The following RBL1 variants were observed in gnomAD, a reference collection of about 807,000 sequenced individuals.
RBL1 encodes the protein retinoblastoma-like protein 1.
In RBL1, 82 loss-of-function variants were observed where a neutral mutation model predicts 123.0. The ratio of observed to expected loss-of-function variants is 0.67; its 90% CI spans 0.56 to 0.80. The LOEUF (loss-of-function observed/expected upper bound fraction) is 0.80. Among genes scored for constraint, RBL1 ranks in the 30% least tolerant of loss-of-function variants. The pLI is 0.00. For missense variants in RBL1, 1,171 were observed against 1,299.6 expected, an observed-to-expected ratio of 0.90 and a Z score of 1.52; for synonymous variants, 405 against 441.3, an observed-to-expected ratio of 0.92 and a Z score of 1.03.
At chr20:37,024,868 G>T (rs539388149) in intron 16 of RBL1, among the ~76,000 whole-genome samples, 1 of 152,294 alleles carries the variant, frequency 6.6e-6, no homozygotes, top group South Asian at 2.1e-4. Context: ...GGCATAGGAG[G>T]GGGTGAAGGG....
chr20:37,079,318 T>A (rs1196250721), intron 2 of RBL1, among the ~76,000 whole-genome samples: 2 of 152,074 alleles, frequency 1.3e-5, no homozygotes, highest in African/African-American at 4.8e-5. Flanking sequence ...TCCCAAGATC[T>A]AAACCAGCTG....
chr20:37,028,630 G>C (rs2064460438), intron 16 of RBL1, among the ~76,000 whole-genome samples: 1 of 152,170 alleles, frequency 6.6e-6, no homozygotes, highest in Non-Finnish European at 1.5e-5. Context: ...GATCCAACAT[G>C]TATTTGTCCC....
intron 19 of RBL1, among the ~76,000 whole-genome samples, chr20:37,016,058 C>T (rs1485198483): frequency 8.0e-6 from 1 of 125,178 alleles, no homozygotes; most frequent in African/African-American, 3.0e-5. Context: ...GATGGAGTCT[C>T]ACGCTGTCAC....
intron 21 of RBL1, among the ~76,000 whole-genome samples, chr20:37,000,549 G>C (rs1364010738): frequency 1.7e-4 from 24 of 140,530 alleles, no homozygotes; most frequent in Non-Finnish European, 3.0e-4. Flanking sequence ...ACTGGGAAGT[G>C]AGGAGCCCCT....
chr20:37,045,390 G>T (rs937449390), intron 12 of RBL1, among the ~76,000 whole-genome samples: 2 of 151,852 alleles, frequency 1.3e-5, no homozygotes, highest in Non-Finnish European at 2.9e-5. Flanking sequence ...ATAGGCATGA[G>T]CCACCGTGCC....
Position 37,032,679 on chromosome 20 carries a change from G to A in RBL1, c.2368C>T (p.Leu790=). 6.2e-7 allele frequency: 1 copy of A among 1,613,858 alleles called. No homozygotes were observed. Among genetic ancestry groups the A allele is most frequent in the Admixed American group, 1.7e-5 (1 of 60,004 alleles). The change falls in exon 16 of 22, where the codon CTA becomes TTA. Residue 790 remains leucine (L), a synonymous_variant. Transcript: ENST00000373664. ...AAAACACATACCTTTCTGTAAAATA[G>A]TGCTAAGGACCCAGTTCTCTTTGGC... is the stretch of plus-strand genomic sequence containing the variant. ...NRPKRTGSLA[L]FYRKVYHLAS... is the part of the protein sequence containing the mutation.
At chr20:37,044,042 T>G (rs775075356) in intron 13 of RBL1, 44 bp downstream of exon 13, 33 of 1,407,732 alleles carry the variant, frequency 2.3e-5, no homozygotes, top group Admixed American at 5.3e-5. Flanking sequence ...GGTTTTTTTT[T>G]TTTTTTTTTT....
At chr20:37,003,385 T>C (rs2064017883) in intron 21 of RBL1, among the ~76,000 whole-genome samples, 2 of 152,292 alleles carry the variant, frequency 1.3e-5, no homozygotes, top group South Asian at 4.1e-4. Flanking sequence ...TTCCAATGCC[T>C]TTCTTTCAAC....
At chr20:37,047,231 A>G in intron 11 of RBL1, 41 bp from the exon 12 acceptor site, 1 of 1,559,468 alleles carries the variant, frequency 6.4e-7, no homozygotes, top group South Asian at 1.2e-5. Flanking sequence ...TTTTTCAGCA[A>G]TTTCAGTCTT....
At position 37,061,100 on chromosome 20, in the gene RBL1, T is replaced by C; in HGVS notation, c.1250+3A>G. 1 of 1,599,870 alleles carries C rather than the reference T, an allele frequency of 6.3e-7. No individual in the cohort carries two copies. Among genetic ancestry groups the C allele is most frequent in the Admixed American group, 1.7e-5 (1 of 57,980 alleles). ...TTTGGAAAAATAACAGTATTGTACA[T>C]ACTCAAAAATATTTATAAGTTGGTC... On this transcript the variant is annotated splice_donor_region_variant and intron_variant, in intron 9 of 21. Transcript: ENST00000373664.
intron 19 of RBL1, among the ~76,000 whole-genome samples, chr20:37,012,427 C>G (rs973735738): frequency 1.3e-5 from 2 of 152,014 alleles, no homozygotes; most frequent in African/African-American, 4.8e-5. Flanking sequence ...AGGAGCGCCT[C>G]TTCCCGGCCG....
At chr20:37,069,889 G>A (rs2065256937) in intron 2 of RBL1, among the ~76,000 whole-genome samples, 1 of 151,586 alleles carries the variant, frequency 6.6e-6, no homozygotes, top group Non-Finnish European at 1.5e-5. Flanking sequence ...CGTCCAGGAG[G>A]TGAGGGGCGC....
intron 19 of RBL1, among the ~76,000 whole-genome samples, chr20:37,013,927 G>C (rs557269012): frequency 1.3e-5 from 2 of 152,248 alleles, no homozygotes; most frequent in African/African-American, 4.8e-5. Context: ...AACTCATAAT[G>C]AATTTGTTTA....
intron 2 of RBL1, among the ~76,000 whole-genome samples, chr20:37,076,005 C>T (rs540986654): frequency 3.0e-4 from 45 of 152,180 alleles, no homozygotes; most frequent in Non-Finnish European, 6.2e-4. Context: ...TCTTTCTCAT[C>T]ACCTGCCTCC....
rs149261772 is a variant in RBL1, at chr20:37,045,580, G to A, written c.1606-1330C>T. Among the ~76,000 whole-genome samples, 79 of 151,988 alleles carry A rather than the reference G, an allele frequency of 5.2e-4. No homozygotes were observed. The East Asian group carries it at 0.013, about 26-fold the overall frequency. ...CCAGCCTGGGCAACATAGTGAAACC[G>A]AGTCTCTATTGAAAAAAAAGGCATT... On this transcript the variant is annotated intron_variant, in intron 12 of 21. Coordinates refer to ENST00000373664, the MANE Select transcript of RBL1 (RefSeq NM_002895.5).
intron 20 of RBL1, among the ~76,000 whole-genome samples, chr20:37,004,977 G>A (rs1423163270): frequency 1.3e-5 from 2 of 152,000 alleles, no homozygotes; most frequent in Non-Finnish European, 2.9e-5. Context: ...GGGGACAGAG[G>A]CTGCAGTGAG....
intron 9 of RBL1, among the ~76,000 whole-genome samples, chr20:37,057,604 C>A (rs1036648695): frequency 1.3e-5 from 2 of 152,126 alleles, no homozygotes; most frequent in Non-Finnish European, 1.5e-5. Flanking sequence ...GAGTATGAAC[C>A]CCTTAACTAA....
At chr20:37,095,658 G>T in intron 1 of RBL1, 115 bp downstream of exon 1, 2 of 954,454 alleles carry the variant, frequency 2.1e-6, no homozygotes, top group Non-Finnish European at 2.9e-6. Flanking sequence ...GCTTGGCTGC[G>T]CAGCGACCCT....
chr20:37,031,519 G>A (rs2064510536), intron 16 of RBL1, among the ~76,000 whole-genome samples: 1 of 152,084 alleles, frequency 6.6e-6, no homozygotes, highest in African/African-American at 2.4e-5. Flanking sequence ...CCATTGGATG[G>A]CCATTATCAA....
Sources: allele counts gnomAD v4.1 joint callset (sites outside exome capture counted in the v4.1 genomes callset), GRCh38; gene constraint gnomAD v4.1.1; transcripts MANE v1.5; gene names NCBI Gene and HGNC (gene_info 2026-07-23, HGNC 2026-07-21).